The following LRMDA variants were observed in gnomAD, a reference collection of about 807,000 sequenced individuals.
The protein encoded by LRMDA is leucine rich melanocyte differentiation associated.
A neutral mutation model predicts 29.8 loss-of-function variants in LRMDA; 18 were observed. The ratio of observed to expected loss-of-function variants is 0.60; its 90% CI spans 0.42 to 0.90. The LOEUF is 0.90. Among genes scored for constraint, LRMDA ranks in the 40% least tolerant of loss-of-function variants. LRMDA has a pLI of 0.00. For missense variants in LRMDA, 273 were observed against 273.9 expected (o/e 1.00, Z 0.02); for synonymous variants, 125 against 109.4 (o/e 1.14, Z -0.89).
At chr10:75,794,634 A>G (rs1416854304) in intron 2 of LRMDA, among the ~76,000 whole-genome samples, 1 of 152,146 alleles carries the variant, frequency 6.6e-6, no homozygotes, top group African/African-American at 2.4e-5. Context: ...TATTTATTCT[A>G]TTAGGTATGA....
intron 5 of LRMDA, among the ~76,000 whole-genome samples, chr10:76,216,135 C>T (rs1851725038): frequency 6.6e-6 from 1 of 152,168 alleles, no homozygotes; most frequent in Non-Finnish European, 1.5e-5. Flanking sequence ...AGGAAGATTG[C>T]TTAAGGCCAG....
At chr10:76,043,581 G>C (rs1001496045) in intron 3 of LRMDA, among the ~76,000 whole-genome samples, 2 of 151,766 alleles carry the variant, frequency 1.3e-5, no homozygotes, top group African/African-American at 2.4e-5. Flanking sequence ...ATGATCATGT[G>C]ACTCTATTAC....
chr10:76,504,512 T>C (rs575224027), intron 6 of LRMDA, among the ~76,000 whole-genome samples: 6 of 152,242 alleles, frequency 3.9e-5, no homozygotes, highest in Admixed American at 3.9e-4. Flanking sequence ...GGTACATATA[T>C]GTTTATGATA....
intron 6 of LRMDA, among the ~76,000 whole-genome samples, chr10:76,376,000 T>C (rs1841512397): frequency 6.6e-6 from 1 of 151,924 alleles, no homozygotes; most frequent in Non-Finnish European, 1.5e-5. Context: ...TCATAGTTTT[T>C]GGGTTTTTTT....
intron 2 of LRMDA, among the ~76,000 whole-genome samples, chr10:75,890,022 G>A (rs1845457444): frequency 6.6e-6 from 1 of 152,150 alleles, no homozygotes; most frequent in Non-Finnish European, 1.5e-5. Context: ...CCTGTTCCAT[G>A]TAAGCAGAAA....
At chr10:76,071,611 C>CT (rs1310697775) in intron 5 of LRMDA, among the ~76,000 whole-genome samples, 1 of 152,194 alleles carries the variant, frequency 6.6e-6, no homozygotes, top group Non-Finnish European at 1.5e-5. Flanking sequence ...GAATAAAAAG[C>CT]TTTTCCTTCT....
chr10:76,038,297 G>A (rs1848285466), intron 3 of LRMDA, among the ~76,000 whole-genome samples: 1 of 152,198 alleles, frequency 6.6e-6, no homozygotes, highest in Non-Finnish European at 1.5e-5. Flanking sequence ...AGATAAGCAG[G>A]CCTCTTGGCT....
In LRMDA at chr10:75,583,328, G is replaced by A. The variant is rs557912368; in HGVS notation, c.131+144834G>A. 1.5e-4 allele frequency among the ~76,000 whole-genome samples: 23 copies of A among 152,298 alleles called. No individual in the cohort carries two copies. The South Asian group carries it at 4.6e-3, about 30-fold the overall frequency. On this transcript the variant is annotated intron_variant, in intron 2 of 6. Transcript: ENST00000611255. ...TAATTGGCTCACAGTTCTGCAGGCT[G>A]TGCAGGAAGCACAGCAGCTTCCATT...
intron 2 of LRMDA, among the ~76,000 whole-genome samples, chr10:75,935,330 T>G (rs769082458): frequency 1.2e-4 from 19 of 152,136 alleles, no homozygotes; most frequent in Non-Finnish European, 1.9e-4. Flanking sequence ...GCTGAATAAG[T>G]GTGTCAGGTA....
chr10:76,265,351 C>A (rs1839993376), intron 5 of LRMDA, among the ~76,000 whole-genome samples: 1 of 152,156 alleles, frequency 6.6e-6, no homozygotes, highest in South Asian at 2.1e-4. Flanking sequence ...AGTGTCATCT[C>A]TCAAGCATAA....
intron 5 of LRMDA, among the ~76,000 whole-genome samples, chr10:76,271,474 T>C (rs941080786): frequency 1.3e-5 from 2 of 152,198 alleles, no homozygotes; most frequent in Non-Finnish European, 2.9e-5. Flanking sequence ...TGCTTTTTCA[T>C]TGAAACAGAA....
In LRMDA at chr10:76,148,388, A is replaced by G. The variant is rs139007465; in HGVS notation, c.516+89605A>G. Among the ~76,000 whole-genome samples the G allele has an allele frequency of 6.7e-3, 1,016 of 152,228 alleles. 11 individuals carry two copies. Among genetic ancestry groups the G allele is most frequent in the African/African-American group, 0.023 (955 of 41,540 alleles). On this transcript the variant is annotated intron_variant, in intron 5 of 6. Transcript: ENST00000611255. ...ACCTAATCAAACAACTAACTGGGCAATGGCGGGAACCCCTCCCCCAACCTC... is the reference window on the plus strand; with the variant it reads ...ACCTAATCAAACAACTAACTGGGCAGTGGCGGGAACCCCTCCCCCAACCTC...
At chr10:76,366,432 C>A (rs1038233599) in intron 6 of LRMDA, among the ~76,000 whole-genome samples, 30 of 152,212 alleles carry the variant, frequency 2.0e-4, no homozygotes, top group African/African-American at 7.0e-4. Flanking sequence ...TTTCTTTCAG[C>A]AGTGTTTTGT....
chr10:75,583,997 A>T (rs573589912), intron 2 of LRMDA, among the ~76,000 whole-genome samples: 41 of 152,038 alleles, frequency 2.7e-4, no homozygotes, highest in Non-Finnish European at 2.9e-5. Flanking sequence ...CCCCATAGGG[A>T]CTGTCCTTCC....
intron 6 of LRMDA, among the ~76,000 whole-genome samples, chr10:76,345,060 CTTT>C (rs60233969): frequency 2.8e-4 from 22 of 77,616 alleles, no homozygotes; most frequent in South Asian, 2.2e-3. Flanking sequence ...AACACAAAAC[CTTT>C]TTTTTTTTTT....
At chr10:75,509,845 A>G (rs908665875) in intron 2 of LRMDA, among the ~76,000 whole-genome samples, 4 of 152,162 alleles carry the variant, frequency 2.6e-5, no homozygotes, top group African/African-American at 4.8e-5. Context: ...GTGTGGATGA[A>G]CTTACAGCCC....
At chr10:75,694,906 A>G (rs547035114) in intron 2 of LRMDA, among the ~76,000 whole-genome samples, 67 of 152,330 alleles carry the variant, frequency 4.4e-4, no homozygotes, top group Non-Finnish European at 2.2e-4. Context: ...TCCTTGACAT[A>G]ATAAGAAGTT....
chr10:76,071,948 T>C (rs1048862302), intron 5 of LRMDA, among the ~76,000 whole-genome samples: 1 of 152,224 alleles, frequency 6.6e-6, no homozygotes, highest in Admixed American at 6.5e-5. Flanking sequence ...TTAAATATGA[T>C]ATGAATGCAG....
chr10:76,227,691 A>G (rs1301182593), intron 5 of LRMDA, among the ~76,000 whole-genome samples: 1 of 152,256 alleles, frequency 6.6e-6, no homozygotes, highest in African/African-American at 2.4e-5. Flanking sequence ...AGAGAATCAC[A>G]GGGCATATCC....
Sources: gnomAD v4.1 joint callset for allele counts (sites outside exome capture counted in the v4.1 genomes callset) on GRCh38, gnomAD v4.1.1 for gene constraint, MANE v1.5 for transcripts, NCBI Gene and HGNC (gene_info 2026-07-23, HGNC 2026-07-21) for gene names.